The following STK4 variants were observed in gnomAD, a reference collection of about 807,000 sequenced individuals.
STK4 encodes the protein serine/threonine-protein kinase 4.
A neutral mutation model predicts 64.9 loss-of-function variants in STK4; 30 were observed. The observed-to-expected ratio is 0.46, with a 90% CI of 0.35 to 0.63. STK4 has a LOEUF of 0.63. Among genes scored for constraint, STK4 ranks in the 20% least tolerant of loss-of-function variants. STK4 has a pLI of 0.01. For missense variants in STK4, 466 were observed against 598.5 expected, an observed-to-expected ratio of 0.78 and a Z score of 2.31; for synonymous variants, 177 against 199.0, an observed-to-expected ratio of 0.89 and a Z score of 0.93.
intron 3 of STK4, 48 bp downstream of exon 3, chr20:44,978,619 C>T: frequency 6.3e-7 from 1 of 1,597,670 alleles, no homozygotes; most frequent in Non-Finnish European, 8.5e-7. Flanking sequence ...TTTGAATTAG[C>T]TATGATTGTG....
intron 10 of STK4, among the ~76,000 whole-genome samples, chr20:45,064,065 C>A (rs1979342998): frequency 6.6e-6 from 1 of 151,628 alleles, no homozygotes; most frequent in Non-Finnish European, 1.5e-5. Context: ...ACCTCAGCCT[C>A]CCAAAGTGCT....
At chr20:45,006,250 G>GATGT (rs1451145935) in intron 9 of STK4, among the ~76,000 whole-genome samples, 7 of 134,598 alleles carry the variant, frequency 5.2e-5, no homozygotes, top group Non-Finnish European at 1.6e-5. Flanking sequence ...TTTTGTTTCG[G>GATGT]ATGTATTTAT....
intron 10 of STK4, among the ~76,000 whole-genome samples, chr20:45,034,796 A>G (rs561459216): frequency 1.3e-5 from 2 of 152,222 alleles, no homozygotes; most frequent in South Asian, 4.1e-4. Context: ...ATATGCCTAT[A>G]ATCTCAGCTA....
At chr20:45,035,797 C>T (rs182887315) in intron 10 of STK4, among the ~76,000 whole-genome samples, 1 of 152,154 alleles carries the variant, frequency 6.6e-6, no homozygotes, top group Non-Finnish European at 1.5e-5. Context: ...TTGAATTAAA[C>T]TCAAATATAG....
At chr20:45,002,375 C>T (rs1426601359) in intron 9 of STK4, among the ~76,000 whole-genome samples, 1 of 152,102 alleles carries the variant, frequency 6.6e-6, no homozygotes, top group Non-Finnish European at 1.5e-5. Flanking sequence ...AGTTTCTGAA[C>T]TTGTTTTCAG....
At chr20:44,993,435 A>G (rs1042130540) in intron 5 of STK4, among the ~76,000 whole-genome samples, 2 of 152,242 alleles carry the variant, frequency 1.3e-5, no homozygotes, top group African/African-American at 4.8e-5. Flanking sequence ...TCTAATTGAA[A>G]TAATCCAGTG....
At chr20:45,020,464 G>A (rs868011751) in intron 9 of STK4, among the ~76,000 whole-genome samples, 1 of 94,484 alleles carries the variant, frequency 1.1e-5, no homozygotes. Context: ...GTGTGTGTGT[G>A]TGTATGTTTA....
intron 9 of STK4, among the ~76,000 whole-genome samples, chr20:45,019,929 G>A (rs951173400): frequency 2.0e-5 from 3 of 152,188 alleles, no homozygotes. Context: ...GCTAACGGGT[G>A]CTGAAAGAAA....
At chr20:44,973,612 C>T (rs116328391) in intron 2 of STK4, among the ~76,000 whole-genome samples, 1 of 152,232 alleles carries the variant, frequency 6.6e-6, no homozygotes, top group Non-Finnish European at 1.5e-5. Flanking sequence ...ACTTATTTCT[C>T]TCATTTCTAA....
At chr20:45,025,226 C>T in intron 10 of STK4, 96 bp downstream of exon 10, 1 of 1,400,858 alleles carries the variant, frequency 7.1e-7, no homozygotes, top group South Asian at 1.5e-5. Context: ...CATTTTGAGT[C>T]TCCTAAACCA....
At chr20:45,004,116 G>A (rs1419143286) in intron 9 of STK4, among the ~76,000 whole-genome samples, 1 of 151,332 alleles carries the variant, frequency 6.6e-6, no homozygotes, top group African/African-American at 2.4e-5. Flanking sequence ...TTTTTTTTGA[G>A]ACGGAGTCTT....
chr20:44,981,964 A>G (rs749875048), intron 4 of STK4, 21 bp downstream of exon 4: 5 of 1,530,316 alleles, frequency 3.3e-6, no homozygotes, highest in Non-Finnish European at 4.5e-6. Flanking sequence ...CTTCTAGAAC[A>G]TGCAACTGAG....
chr20:45,044,603 C>T (rs572741674), intron 10 of STK4, among the ~76,000 whole-genome samples: 1 of 152,010 alleles, frequency 6.6e-6, no homozygotes, highest in South Asian at 2.1e-4. Flanking sequence ...TGCAGTGAGC[C>T]GTGATTGTGC....
intron 1 of STK4, among the ~76,000 whole-genome samples, chr20:44,968,674 A>C (rs1356291200): frequency 6.6e-6 from 1 of 152,244 alleles, no homozygotes; most frequent in South Asian, 2.1e-4. Context: ...GCCTTGTCTT[A>C]CATAATCTTG....
intron 9 of STK4, among the ~76,000 whole-genome samples, chr20:45,020,462 GTGTGTATGTTTATGTTTATGTT>G (rs973002584): frequency 1.5e-5 from 2 of 137,156 alleles, no homozygotes; most frequent in African/African-American, 2.7e-5. Flanking sequence ...GTGTGTGTGT[GTGTGTATGTTTATGTTTATGTT>G]TATGTTTATG....
chr20:45,009,367 A>C (rs1225231154), intron 9 of STK4, among the ~76,000 whole-genome samples: 1 of 151,968 alleles, frequency 6.6e-6, no homozygotes, highest in Non-Finnish European at 1.5e-5. Flanking sequence ...TTTATTTCTG[A>C]GTTTCCTATT....
chr20:45,019,766 A>G (rs1189645409), intron 9 of STK4, among the ~76,000 whole-genome samples: 2 of 152,132 alleles, frequency 1.3e-5, no homozygotes, highest in African/African-American at 4.8e-5. Context: ...CTTGGGATAC[A>G]TCTGAAAAAA....
chr20:45,043,568 G>A (rs1021277618), intron 10 of STK4, among the ~76,000 whole-genome samples: 1 of 152,172 alleles, frequency 6.6e-6, no homozygotes, highest in Non-Finnish European at 1.5e-5. Context: ...GAGTTAAATG[G>A]AGTAATGCAC....
intron 10 of STK4, among the ~76,000 whole-genome samples, chr20:45,063,130 A>G (rs975969710): frequency 6.8e-6 from 1 of 147,682 alleles, no homozygotes; most frequent in East Asian, 2.0e-4. Context: ...CAGCCTCCTG[A>G]GTAGCTGGGA....
Sources: allele counts gnomAD v4.1 joint callset (sites outside exome capture counted in the v4.1 genomes callset), GRCh38; gene constraint gnomAD v4.1.1; transcripts MANE v1.5; gene names NCBI Gene and HGNC (gene_info 2026-07-23, HGNC 2026-07-21).